KHK: variants seen among roughly 807,000 people sequenced by gnomAD.
KHK encodes the protein ketohexokinase.
KHK carries 37 observed loss-of-function variants against 36.0 expected under a neutral mutation model. That is an observed-to-expected ratio of 1.03 (90% CI 0.79 to 1.35). The LOEUF (loss-of-function observed/expected upper bound fraction) is 1.35. KHK is among the 40% of genes most tolerant of loss of function. The probability of loss-of-function intolerance (pLI) is 0.00; values close to 1 mark genes in which losing one functional copy is unlikely to be tolerated. For missense variants in KHK, 395 were observed against 391.9 expected, an observed-to-expected ratio of 1.01 and a Z score of -0.07; for synonymous variants, 161 against 162.8, an observed-to-expected ratio of 0.99 and a Z score of 0.08.
In KHK at chr2:27,094,929, T is replaced by C; in HGVS notation, c.339T>C (p.His113=). 1 of 1,613,930 alleles carries C rather than the reference T, an allele frequency of 6.2e-7. No individual in the cohort carries two copies. The highest frequency in any genetic ancestry group is 8.5e-7 in the Non-Finnish European group (1 of 1,180,048). The change falls in exon 3 of 8, where the codon CAT becomes CAC. Residue 113 remains histidine, a synonymous_variant. Transcript: ENST00000260598. ...NSNGNRTIVL[H]DTSLPDVSAT... is the part of the protein sequence containing the mutation. ...ATGGCAACCGTACCATTGTGCTCCA[T>C]GACACGTAAGGCCCCCGGGCCTCGC...
At chr2:27,092,074 GT>G (rs1670042545) in intron 1 of KHK, among the ~76,000 whole-genome samples, 1 of 152,220 alleles carries the variant, frequency 6.6e-6, no homozygotes, top group Non-Finnish European at 1.5e-5. Context: ...GTGGTTTCCT[GT>G]TGCCCTAGGA....
At chr2:27,090,082 C>T (rs1412810460) in intron 1 of KHK, among the ~76,000 whole-genome samples, 3 of 152,194 alleles carry the variant, frequency 2.0e-5, no homozygotes, top group East Asian at 1.9e-4. Context: ...GAACTCCCGA[C>T]GTCAGGCGAT....
At chr2:27,099,155 G>T in intron 5 of KHK, 41 bp from the exon 6 acceptor site, 1 of 1,587,112 alleles carries the variant, frequency 6.3e-7, no homozygotes, top group South Asian at 1.1e-5. Flanking sequence ...GGTGAATGAC[G>T]AGTTAGAAGT....
chr2:27,097,639 A>T lies in KHK; in HGVS notation c.554A>T (p.Tyr185Phe), dbSNP rs138841298. Residue 185 changes from tyrosine to phenylalanine, a missense_variant, in exon 5 of 8, where the codon TAC becomes TTC. Physicochemically the swap from Tyr to Phe is conservative, Grantham distance 22. Coordinates refer to ENST00000260598, the MANE Select transcript of KHK (RefSeq NM_006488.3). ...PREELFQLFG[Y>F]GDVVFVSKDV... ...GAGGAGCTCTTCCAGCTGTTTGGCT[A>T]CGGAGACGTGGTGGGTGCCCCATTC... is the stretch of plus-strand genomic sequence containing the variant. The T allele has an allele frequency of 2.5e-6, 4 of 1,613,962 alleles. No homozygotes were observed. The highest frequency in any genetic ancestry group is 3.4e-6 in the Non-Finnish European group (4 of 1,180,056).
In KHK at chr2:27,094,800, C is replaced by T. The variant is rs1220958985; in HGVS notation, c.210C>T (p.Asp70=). 1.2e-6 allele frequency: 2 copies of T among 1,614,076 alleles called. No individual in the cohort carries two copies. Among genetic ancestry groups the T allele is most frequent in the Admixed American group, 1.7e-5 (1 of 60,030 alleles). The change falls in exon 3 of 8, where the codon GAC becomes GAT. Residue 70 remains aspartate, a splice_region_variant and synonymous_variant. Transcript: ENST00000260598. The stretch of plus-strand genomic sequence containing the variant: ...TTCCTGGCCCGGCCTCCACCCTAAG[C>T]TTCCTGGTGGCCGACTTCAGGCGGC... ...MGSMAPGHVA[D]FLVADFRRRG... is the part of the protein sequence containing the mutation.
At chr2:27,094,406 C>T (rs1475780073) in intron 2 of KHK, 3 of 1,596,748 alleles carry the variant, frequency 1.9e-6, no homozygotes, top group Non-Finnish European at 2.6e-6. Context: ...CCTAGTGGCC[C>T]TGCCAGCTAC....
intron 3 of KHK, among the ~76,000 whole-genome samples, chr2:27,096,483 A>T (rs1323804088): frequency 6.6e-6 from 1 of 152,076 alleles, no homozygotes; most frequent in Non-Finnish European, 1.5e-5. Context: ...TTGCCAGTTG[A>T]CATGTGTTGC....
chr2:27,089,884 C>T (rs1004406373), intron 1 of KHK, among the ~76,000 whole-genome samples: 9 of 152,188 alleles, frequency 5.9e-5, no homozygotes, highest in African/African-American at 1.7e-4. Flanking sequence ...TGGAGTTTTG[C>T]TCTTGTTGCC....
chr2:27,088,865 T>C (rs1669821051), intron 1 of KHK, among the ~76,000 whole-genome samples: 1 of 152,218 alleles, frequency 6.6e-6, no homozygotes, highest in Non-Finnish European at 1.5e-5. Flanking sequence ...TCCTGGGCTA[T>C]ATCAGTTGTC....
At chr2:27,092,222 A>G (rs1309650118) in intron 1 of KHK, 110 bp from the exon 2 acceptor site, 6 of 892,810 alleles carry the variant, frequency 6.7e-6, no homozygotes, top group African/African-American at 4.9e-5. Flanking sequence ...GTCGGCCTAG[A>G]TGCTTTCTGA....
In KHK at chr2:27,097,586, G is replaced by A; in HGVS notation, c.501G>A (p.Arg167=). ...GGCAGCCTCCAGAGCAGAAGATCCG[G>A]GTGTCCGTGGAGGTGGAGAAGCCAC... ...NTRQPPEQKI[R]VSVEVEKPRE... The change falls in exon 5 of 8, where the codon CGG becomes CGA. Residue 167 remains arginine, a synonymous_variant. Transcript: ENST00000260598. 6.2e-7 allele frequency: 1 copy of A among 1,614,092 alleles called. No homozygotes were observed. The highest frequency in any genetic ancestry group is 8.5e-7 in the Non-Finnish European group (1 of 1,180,048).
At chr2:27,097,759 T>A in intron 5 of KHK, 110 bp downstream of exon 5, 1 of 1,510,242 alleles carries the variant, frequency 6.6e-7, no homozygotes, top group Non-Finnish European at 9.2e-7. Flanking sequence ...GTTCCTGGTT[T>A]GGTGGTGTTT....
intron 1 of KHK, chr2:27,087,928 G>A: frequency 6.6e-6 from 1 of 152,364 alleles, no homozygotes; most frequent in East Asian, 1.9e-4. Flanking sequence ...AGATGCCATG[G>A]GTTATGTATG....
chr2:27,088,162 G>C (rs895047829), intron 1 of KHK: 7 of 136,916 alleles, frequency 5.1e-5, no homozygotes, highest in African/African-American at 2.0e-4. Context: ...AGGCTGGAGT[G>C]CAGTGGTGCA....
intron 4 of KHK, among the ~76,000 whole-genome samples, chr2:27,097,006 A>T (rs1402164689): frequency 6.6e-6 from 1 of 152,254 alleles, no homozygotes; most frequent in East Asian, 1.9e-4. Flanking sequence ...GTCACACAGC[A>T]GAACGTAAGC....
At position 27,097,518 on chromosome 2, in the gene KHK, G is replaced by T. The variant is rs757718324; in HGVS notation, c.433G>T (p.Glu145Ter). The T allele has an allele frequency of 6.2e-7, 1 of 1,613,746 alleles. No homozygotes were observed. The highest frequency in any genetic ancestry group is 8.5e-7 in the Non-Finnish European group (1 of 1,180,038). The change falls in exon 5 of 8, where the codon GAG (glutamate) becomes TAG (stop). Residue 145 changes from glutamate (E) to a stop codon, truncating the protein, a stop_gained. Transcript: ENST00000260598. LOFTEE classifies it high-confidence loss of function. The part of the protein sequence containing the change: ...WIHIEGRNAS[E>*]QVKMLQRIDA... The stretch of plus-strand genomic sequence containing the variant: ...CCTGTACCAGGGCCGGAACGCATCG[G>T]AGCAGGTGAAGATGCTGCAGCGGAT...
chr2:27,096,358 A>G (rs1187226332), intron 3 of KHK, among the ~76,000 whole-genome samples: 1 of 152,158 alleles, frequency 6.6e-6, no homozygotes, highest in Non-Finnish European at 1.5e-5. Flanking sequence ...CGGGCTTTAT[A>G]CTTTCCCAGG....
rs188107400 is a variant in KHK, at chr2:27,097,786, G to A, written c.564+137G>A. The A allele has an allele frequency of 2.8e-4, 357 of 1,273,748 alleles. 2 individuals are homozygous for A. In the East Asian group the frequency reaches 4.3e-3, roughly 15 times the overall value. The allele number at this position is 1,273,748 out of a possible 1,614,324, so 78.9% of individuals were successfully genotyped here. A position where few individuals can be genotyped will look rare whatever the true frequency, so the allele number is the denominator to read the frequency against. On this transcript the variant is annotated intron_variant, in intron 5 of 7. Transcript: ENST00000260598. ...GTGGTGTTTGAAGATGGGGGATGGG[G>A]GTTAAAGCAAAGAAGTAGACCCCTA...
At chr2:27,095,258 C>T (rs1432478184) in intron 3 of KHK, among the ~76,000 whole-genome samples, 2 of 152,244 alleles carry the variant, frequency 1.3e-5, no homozygotes, top group South Asian at 2.1e-4. Flanking sequence ...GCTGTGGGTG[C>T]GGGGAAACTG....
Sources: gnomAD v4.1 joint callset for allele counts (sites outside exome capture counted in the v4.1 genomes callset) on GRCh38, gnomAD v4.1.1 for gene constraint, MANE v1.5 for transcripts, NCBI Gene and HGNC (gene_info 2026-07-23, HGNC 2026-07-21) for gene names.